AVEN: variants seen among roughly 807,000 people sequenced by gnomAD.
AVEN encodes the protein cell death regulator Aven.
Under a neutral mutation model 38.1 loss-of-function variants are expected in AVEN, and 41 were observed. That is an observed-to-expected ratio of 1.08 (90% CI 0.84 to 1.40). The LOEUF (loss-of-function observed/expected upper bound fraction) is 1.40, where lower values mean the gene tolerates loss of function less well. Ranked by LOEUF, AVEN falls within the 40% of genes most tolerant of loss-of-function variation. AVEN has a pLI of 0.00. For missense variants in AVEN, 605 were observed against 438.8 expected, an observed-to-expected ratio of 1.38 and a Z score of -3.38; for synonymous variants, 206 against 171.8, an observed-to-expected ratio of 1.20 and a Z score of -1.56.
intron 1 of AVEN, among the ~76,000 whole-genome samples, chr15:34,033,510 A>G (rs538350459): frequency 3.3e-5 from 5 of 152,264 alleles, no homozygotes; most frequent in Non-Finnish European, 5.9e-5. Flanking sequence ...CGTCTCAAAA[A>G]AAAAAAAAAA....
downstream of AVEN, chr15:33,857,888 G>A (rs762353653): frequency 1.4e-5 from 23 of 1,614,076 alleles, no homozygotes; most frequent in Admixed American, 6.7e-5. Flanking sequence ...TGACGAGCCC[G>A]ATATGAAGTG....
chr15:34,004,256 T>G (rs1897245619), intron 1 of AVEN, among the ~76,000 whole-genome samples: 1 of 152,236 alleles, frequency 6.6e-6, no homozygotes, highest in Non-Finnish European at 1.5e-5. Flanking sequence ...CTCAGATGCA[T>G]GCTAGAGAAC....
chr15:33,860,801 A>AC, intron 11 of AVEN: 1 of 705,908 alleles, frequency 1.4e-6, no homozygotes. Context: ...TGTTCTCTGC[A>AC]CCCTGCCATA....
At chr15:34,000,116 C>T (rs1042853656) in intron 2 of AVEN, among the ~76,000 whole-genome samples, 1 of 152,198 alleles carries the variant, frequency 6.6e-6, no homozygotes, top group Non-Finnish European at 1.5e-5. Context: ...GCTCCCTCAC[C>T]CTCCTCAGAT....
intron 11 of AVEN, among the ~76,000 whole-genome samples, chr15:33,859,954 C>A (rs1193004784): frequency 6.6e-6 from 1 of 152,190 alleles, no homozygotes; most frequent in Non-Finnish European, 1.5e-5. Flanking sequence ...TACAGAGGAA[C>A]CCCTTCCTTC....
At chr15:33,938,380 A>G (rs563753008) in intron 2 of AVEN, among the ~76,000 whole-genome samples, 14 of 152,158 alleles carry the variant, frequency 9.2e-5, no homozygotes, top group African/African-American at 1.4e-4. Flanking sequence ...GCGTGAACCC[A>G]GGAGGCGGAG....
intron 1 of AVEN, among the ~76,000 whole-genome samples, chr15:34,014,477 A>C (rs1393149835): frequency 1.3e-5 from 2 of 152,014 alleles, no homozygotes; most frequent in Non-Finnish European, 2.9e-5. Flanking sequence ...ACAAAGAGCA[A>C]CTAGGGTAAC....
chr15:33,878,018 C>CA (rs1247290604), intron 2 of AVEN, among the ~76,000 whole-genome samples: 2 of 151,840 alleles, frequency 1.3e-5, no homozygotes, highest in Non-Finnish European at 2.9e-5. Context: ...CAATAACATA[C>CA]AAAAAATTCC....
chr15:33,931,498 GTT>G (rs1893849281), intron 2 of AVEN, among the ~76,000 whole-genome samples: 1 of 151,470 alleles, frequency 6.6e-6, no homozygotes, highest in Non-Finnish European at 1.5e-5. Flanking sequence ...AGCCTCCAGA[GTT>G]GCTGGGACTA....
intron 2 of AVEN, among the ~76,000 whole-genome samples, chr15:33,986,676 A>G (rs1410358088): frequency 6.6e-6 from 1 of 151,952 alleles, no homozygotes; most frequent in Non-Finnish European, 1.5e-5. Flanking sequence ...GTTTTTTTTG[A>G]GACAGAGTCT....
At chr15:33,959,240 C>T (rs1895076532) in intron 2 of AVEN, among the ~76,000 whole-genome samples, 1 of 152,172 alleles carries the variant, frequency 6.6e-6, no homozygotes, top group South Asian at 2.1e-4. Flanking sequence ...TCTGACCTTA[C>T]ATTTTCCTAC....
At chr15:33,945,580 A>G (rs185648250) in intron 2 of AVEN, among the ~76,000 whole-genome samples, 1 of 152,120 alleles carries the variant, frequency 6.6e-6, no homozygotes, top group East Asian at 1.9e-4. Flanking sequence ...CACTCTTAGA[A>G]AATGTTTTGT....
chr15:33,932,371 T>C (rs549069510), intron 2 of AVEN, among the ~76,000 whole-genome samples: 16 of 152,310 alleles, frequency 1.1e-4, no homozygotes, highest in African/African-American at 3.9e-4. Flanking sequence ...GACAGTGCCA[T>C]GAAGACAGAC....
At chr15:33,897,687 G>A (rs1275383464) in intron 2 of AVEN, among the ~76,000 whole-genome samples, 1 of 151,808 alleles carries the variant, frequency 6.6e-6, no homozygotes, top group Non-Finnish European at 1.5e-5. Flanking sequence ...AGACCAGTCT[G>A]GGCAACATAA....
At chr15:33,865,237 A>AAG, downstream of AVEN, 1 of 1,598,006 alleles carries the variant, frequency 6.3e-7, no homozygotes, top group African/African-American at 1.3e-5. Context: ...ATCTGAATCA[A>AAG]AGAAGCGCGA....
At chr15:33,958,924 A>C (rs1236093945) in intron 2 of AVEN, among the ~76,000 whole-genome samples, 1 of 152,076 alleles carries the variant, frequency 6.6e-6, no homozygotes, top group Non-Finnish European at 1.5e-5. Context: ...TCTTCACTCC[A>C]TAGTGGGGCA....
At chr15:33,923,922 G>A (rs1435975238) in intron 2 of AVEN, among the ~76,000 whole-genome samples, 1 of 151,104 alleles carries the variant, frequency 6.6e-6, no homozygotes, top group African/African-American at 2.4e-5. Context: ...ACCCCCAGGT[G>A]TGACTATCTA....
intron 1 of AVEN, among the ~76,000 whole-genome samples, chr15:34,027,415 G>A (rs1418832558): frequency 6.6e-6 from 1 of 151,842 alleles, no homozygotes; most frequent in South Asian, 2.1e-4. Context: ...TGTAATCCCA[G>A]CTACACAGGA....
At chr15:34,026,123 T>A (rs1208772617) in intron 1 of AVEN, among the ~76,000 whole-genome samples, 4 of 152,244 alleles carry the variant, frequency 2.6e-5, no homozygotes, top group Non-Finnish European at 5.9e-5. Flanking sequence ...AGTTTGATAT[T>A]CTTCTACCCT....
Sources: gnomAD v4.1 joint callset for allele counts (sites outside exome capture counted in the v4.1 genomes callset) on GRCh38, gnomAD v4.1.1 for gene constraint, MANE v1.5 for transcripts, NCBI Gene and HGNC (gene_info 2026-07-23, HGNC 2026-07-21) for gene names.